CTTNBP2NL: variants seen among roughly 807,000 people sequenced by gnomAD.
CTTNBP2NL encodes CTTNBP2 N-terminal like.
CTTNBP2NL carries 16 observed loss-of-function variants against 32.5 expected under a neutral mutation model. The ratio of observed to expected loss-of-function variants is 0.49; its 90% CI spans 0.33 to 0.75. CTTNBP2NL has a LOEUF of 0.75. Ranked by LOEUF, CTTNBP2NL falls within the 30% of genes least tolerant of loss-of-function variation. CTTNBP2NL has a pLI of 0.02. For synonymous variants in CTTNBP2NL, 298 were observed against 289.4 expected, an observed-to-expected ratio of 1.03 and a Z score of -0.30; for missense variants, 645 against 756.0, an observed-to-expected ratio of 0.85 and a Z score of 1.72.
intron 3 of CTTNBP2NL, among the ~76,000 whole-genome samples, chr1:112,430,803 T>TC (rs1042652921): frequency 6.6e-6 from 1 of 151,878 alleles, no homozygotes; most frequent in Non-Finnish European, 1.5e-5. Flanking sequence ...CAGGATTATC[T>TC]CCATCTCTTG....
At chr1:112,430,388 CCTAT>C (rs757861152) in intron 3 of CTTNBP2NL, among the ~76,000 whole-genome samples, 176 of 151,630 alleles carry the variant, frequency 1.2e-3, no homozygotes, top group Middle Eastern at 3.5e-3. Flanking sequence ...ACGACACCCA[CCTAT>C]CTAATTTGTT....
chr1:112,400,400 C>G (rs1028393176), intron 1 of CTTNBP2NL, among the ~76,000 whole-genome samples: 4 of 152,200 alleles, frequency 2.6e-5, no homozygotes, highest in Non-Finnish European at 5.9e-5. Context: ...GAGGCTCACA[C>G]CTGTAATCAC....
rs1399295300 is a variant in CTTNBP2NL, at chr1:112,460,117, T to C, written c.*2705T>C. The C allele has an allele frequency of 1.3e-5, 2 of 152,248 alleles. No individual in the cohort carries two copies. Among genetic ancestry groups the C allele is most frequent in the Non-Finnish European group, 2.9e-5 (2 of 68,040 alleles). The allele number at this position is 152,248 out of a possible 1,614,324, so 9.4% of individuals were successfully genotyped here. On this transcript the variant is annotated 3_prime_UTR_variant, in exon 6 of 6. Coordinates refer to ENST00000271277, the MANE Select transcript of CTTNBP2NL (RefSeq NM_018704.3). ...GCTGTTACTGGCCAACAGATTGTAA[T>C]GATGTGTACCATATAACACAAGCAT...
At chr1:112,447,239 T>A (rs543597290) in intron 3 of CTTNBP2NL, among the ~76,000 whole-genome samples, 103 of 132,158 alleles carry the variant, frequency 7.8e-4, no homozygotes, top group South Asian at 5.8e-3. Flanking sequence ...GTGCCACTGC[T>A]CTCCAGCCTG....
chr1:112,456,784 C>G lies in CTTNBP2NL; in HGVS notation c.1292C>G (p.Pro431Arg). ...CTAACATCCTCTCCTTGCTCTTCGCCGGTACTCACTAAGCGTTTATTGGGG... is the reference window on the plus strand; with the variant it reads ...CTAACATCCTCTCCTTGCTCTTCGCGGGTACTCACTAAGCGTTTATTGGGG... ...SSLTSSPCSS[P>R]VLTKRLLGSS... The change falls in exon 6 of 6, where the codon CCG becomes CGG. Residue 431 changes from proline to arginine, a missense_variant. By Grantham distance (103) the Pro-to-Arg change is moderately radical (BLOSUM62 -2). Coordinates refer to ENST00000271277, the MANE Select transcript of CTTNBP2NL (RefSeq NM_018704.3). The G allele has an allele frequency of 6.2e-7, 1 of 1,614,082 alleles. No homozygotes were observed. The highest frequency in any genetic ancestry group is 8.5e-7 in the Non-Finnish European group (1 of 1,180,034).
At chr1:112,392,599 T>C (rs1257951150), upstream of CTTNBP2NL, among the ~76,000 whole-genome samples, 1 of 152,016 alleles carries the variant, frequency 6.6e-6, no homozygotes, top group African/African-American at 2.4e-5. Flanking sequence ...ATGTCATGAG[T>C]TCAGATGAGG....
chr1:112,415,919 T>C, intron 2 of CTTNBP2NL: 1 of 401,376 alleles, frequency 2.5e-6, no homozygotes, highest in South Asian at 2.6e-5. Flanking sequence ...GGAGGAAATA[T>C]GATGAAAAAT....
intron 3 of CTTNBP2NL, among the ~76,000 whole-genome samples, chr1:112,435,613 G>A (rs915034383): frequency 7.2e-5 from 11 of 152,038 alleles, no homozygotes; most frequent in East Asian, 3.8e-4. Flanking sequence ...ATCTTACCCC[G>A]TACTAAGAAG....
chr1:112,447,272 TAAAAAA>T (rs35522134), intron 3 of CTTNBP2NL, among the ~76,000 whole-genome samples: 3 of 69,678 alleles, frequency 4.3e-5, no homozygotes, highest in African/African-American at 1.1e-4. Flanking sequence ...AGACTCCATC[TAAAAAA>T]AAAAAAAAAA....
intron 3 of CTTNBP2NL, among the ~76,000 whole-genome samples, chr1:112,438,314 T>G (rs1457868717): frequency 1.3e-5 from 2 of 152,206 alleles, no homozygotes; most frequent in Non-Finnish European, 2.9e-5. Context: ...CGACTGTGAA[T>G]GGGATTGCGT....
intron 3 of CTTNBP2NL, among the ~76,000 whole-genome samples, chr1:112,435,769 T>C (rs1439844305): frequency 6.6e-6 from 1 of 152,226 alleles, no homozygotes; most frequent in Non-Finnish European, 1.5e-5. Context: ...TATTTCCTAT[T>C]ACTTCTTAAT....
At chr1:112,453,064 G>A (rs1570746617) in intron 4 of CTTNBP2NL, among the ~76,000 whole-genome samples, 1 of 150,868 alleles carries the variant, frequency 6.6e-6, no homozygotes, top group Non-Finnish European at 1.5e-5. Context: ...GCAGTGAGCC[G>A]AGATGATGCC....
intron 3 of CTTNBP2NL, among the ~76,000 whole-genome samples, chr1:112,428,017 ATAG>A (rs1553225208): frequency 6.6e-6 from 1 of 152,162 alleles, no homozygotes; most frequent in Non-Finnish European, 1.5e-5. Context: ...GTTTAATGAC[ATAG>A]TAGTGTTCCT....
At chr1:112,410,024 T>C (rs916970537) in intron 1 of CTTNBP2NL, among the ~76,000 whole-genome samples, 6 of 152,200 alleles carry the variant, frequency 3.9e-5, no homozygotes, top group African/African-American at 1.4e-4. Flanking sequence ...TAAGATTTCA[T>C]GGTGGGATGA....
At chr1:112,447,215 A>G (rs1298116311) in intron 3 of CTTNBP2NL, among the ~76,000 whole-genome samples, 3 of 147,860 alleles carry the variant, frequency 2.0e-5, no homozygotes, top group Non-Finnish European at 4.5e-5. Context: ...TGGAGCTTGC[A>G]GTGAGCCAAG....
At position 112,457,467 on chromosome 1, in the gene CTTNBP2NL, C is replaced by T; in HGVS notation, c.*55C>T. On this transcript the variant is annotated 3_prime_UTR_variant, in exon 6 of 6. Coordinates refer to ENST00000271277, the MANE Select transcript of CTTNBP2NL (RefSeq NM_018704.3). ...TTCCATCAGATTTCGTCCAAAAGCT[C>T]AGTCAGACTTCTGAGTCAGATTATG... 6.9e-7 allele frequency: 1 copy of T among 1,446,806 alleles called. No homozygotes were observed. The highest frequency in any genetic ancestry group is 2.3e-5 in the East Asian group (1 of 43,912). 89.6% of individuals were successfully genotyped at this position (1,446,806 alleles called of 1,614,324 possible).
intron 3 of CTTNBP2NL, among the ~76,000 whole-genome samples, chr1:112,423,932 G>A (rs564276181): frequency 9.2e-5 from 14 of 151,962 alleles, no homozygotes; most frequent in African/African-American, 2.7e-4. Flanking sequence ...CATGTTGGTC[G>A]GGCTGGTCTT....
upstream of CTTNBP2NL, among the ~76,000 whole-genome samples, chr1:112,395,963 G>C (rs1036310725): frequency 1.3e-5 from 2 of 152,252 alleles, no homozygotes; most frequent in African/African-American, 4.8e-5. Context: ...CCCCGAGCCG[G>C]GAGGGGCGCG....
chr1:112,396,536 CA>C (rs1267743473), intron 1 of CTTNBP2NL: 1 of 152,354 alleles, frequency 6.6e-6, no homozygotes, highest in Non-Finnish European at 1.5e-5. Flanking sequence ...ACCCCTCATT[CA>C]AAGGCACCTC....
Sources: gnomAD v4.1 joint callset for allele counts (sites outside exome capture counted in the v4.1 genomes callset) on GRCh38, gnomAD v4.1.1 for gene constraint, MANE v1.5 for transcripts, NCBI Gene and HGNC (gene_info 2026-07-23, HGNC 2026-07-21) for gene names.